Variants in CSMD1 observed in about 807,000 individuals in gnomAD.
The protein encoded by CSMD1 is CUB and Sushi multiple domains 1.
A neutral mutation model predicts 417.5 loss-of-function variants in CSMD1; 213 were observed. That is an observed-to-expected ratio of 0.51 (90% CI 0.46 to 0.57). The LOEUF (loss-of-function observed/expected upper bound fraction) is 0.57, where lower values mean the gene tolerates loss of function less well. CSMD1 is among the 20% of genes least tolerant of loss of function. The probability of loss-of-function intolerance (pLI) is 0.00; values close to 1 mark genes in which losing one functional copy is unlikely to be tolerated. For missense variants in CSMD1, 6,923 were observed against 4,529.7 expected, an observed-to-expected ratio of 1.53 and a Z score of -15.17; for synonymous variants, 2,862 against 1,736.8, an observed-to-expected ratio of 1.65 and a Z score of -16.11.
At chr8:3,879,087 C>T (rs1267273929) in intron 5 of CSMD1, among the ~76,000 whole-genome samples, 1 of 151,844 alleles carries the variant, frequency 6.6e-6, no homozygotes, top group Non-Finnish European at 1.5e-5. Flanking sequence ...TCTGGGGTAC[C>T]CAAGCATGTA....
chr8:3,217,406 C>A (rs569363902), intron 29 of CSMD1, among the ~76,000 whole-genome samples: 1 of 152,190 alleles, frequency 6.6e-6, no homozygotes, highest in Non-Finnish European at 1.5e-5. Flanking sequence ...TTCATTCATT[C>A]GTTGGCCCAT....
chr8:3,179,099 C>T (rs1433107566), intron 37 of CSMD1, among the ~76,000 whole-genome samples: 1 of 151,644 alleles, frequency 6.6e-6, no homozygotes. Flanking sequence ...AGGCCCGCCA[C>T]CACGCCTGGC....
At chr8:3,811,709 A>T (rs1257286042) in intron 5 of CSMD1, among the ~76,000 whole-genome samples, 1 of 152,084 alleles carries the variant, frequency 6.6e-6, no homozygotes, top group African/African-American at 2.4e-5. Flanking sequence ...TTTGTAGGAA[A>T]ATTGTGAAAG....
chr8:3,584,988 T>A (rs948541920), intron 9 of CSMD1, among the ~76,000 whole-genome samples: 3 of 152,150 alleles, frequency 2.0e-5, no homozygotes, highest in African/African-American at 7.2e-5. Flanking sequence ...CATGTGCATT[T>A]CCTGGACCAG....
intron 12 of CSMD1, among the ~76,000 whole-genome samples, chr8:3,410,536 C>G (rs919136902): frequency 5.9e-5 from 9 of 152,142 alleles, no homozygotes; most frequent in Admixed American, 2.6e-4. Flanking sequence ...CCTGCACAAG[C>G]TTTCTCTTTG....
intron 54 of CSMD1, among the ~76,000 whole-genome samples, chr8:2,993,853 T>C (rs1416504831): frequency 2.0e-5 from 3 of 151,832 alleles, no homozygotes; most frequent in Non-Finnish European, 4.4e-5. Flanking sequence ...CGTGATGTTA[T>C]CGTCAACGGT....
At chr8:4,723,047 G>C (rs1315518422) in intron 1 of CSMD1, among the ~76,000 whole-genome samples, 1 of 152,112 alleles carries the variant, frequency 6.6e-6, no homozygotes, top group Non-Finnish European at 1.5e-5. Flanking sequence ...TGGCAAAACA[G>C]TATTGATCTC....
At chr8:4,574,637 G>A (rs144511366) in intron 2 of CSMD1, among the ~76,000 whole-genome samples, 1 of 152,154 alleles carries the variant, frequency 6.6e-6, no homozygotes, top group African/African-American at 2.4e-5. Flanking sequence ...ATTAATGGGA[G>A]ACACTTAAAG....
At chr8:4,645,838 C>G (rs543073702) in intron 1 of CSMD1, among the ~76,000 whole-genome samples, 1 of 152,170 alleles carries the variant, frequency 6.6e-6, no homozygotes, top group African/African-American at 2.4e-5. Context: ...CACAGGGAGG[C>G]TTCATGGCAC....
At chr8:4,047,826 G>A (rs891404217) in intron 3 of CSMD1, among the ~76,000 whole-genome samples, 1 of 151,920 alleles carries the variant, frequency 6.6e-6, no homozygotes, top group Non-Finnish European at 1.5e-5. Flanking sequence ...CAATAAGAAA[G>A]TGGCATTGAA....
At chr8:3,556,534 A>G (rs1254251114) in intron 10 of CSMD1, among the ~76,000 whole-genome samples, 2 of 148,856 alleles carry the variant, frequency 1.3e-5, no homozygotes, top group Non-Finnish European at 3.0e-5. Context: ...ACACACACAC[A>G]CACACACACA....
intron 1 of CSMD1, among the ~76,000 whole-genome samples, chr8:4,946,094 C>G (rs1211596294): frequency 6.6e-6 from 1 of 152,118 alleles, no homozygotes; most frequent in Non-Finnish European, 1.5e-5. Context: ...CTTGCACACC[C>G]AGCTGTCTCT....
intron 1 of CSMD1, among the ~76,000 whole-genome samples, chr8:4,835,154 G>A (rs563196019): frequency 6.6e-6 from 1 of 151,970 alleles, no homozygotes; most frequent in East Asian, 1.9e-4. Flanking sequence ...GAGCAAGATG[G>A]ACCCGAGAAG....
intron 5 of CSMD1, among the ~76,000 whole-genome samples, chr8:3,916,295 A>T (rs972667120): frequency 2.0e-5 from 3 of 152,134 alleles, no homozygotes; most frequent in African/African-American, 4.8e-5. Context: ...TCTCATATAA[A>T]ATCACCTGGT....
intron 5 of CSMD1, among the ~76,000 whole-genome samples, chr8:3,893,385 T>C (rs1807132201): frequency 1.3e-5 from 1 of 77,510 alleles, no homozygotes; most frequent in Non-Finnish European, 3.1e-5. Context: ...TAGAGGGTCA[T>C]CAAAATTGTA....
At chr8:4,365,763 G>A (rs1218677716) in intron 3 of CSMD1, among the ~76,000 whole-genome samples, 4 of 152,084 alleles carry the variant, frequency 2.6e-5, no homozygotes, top group African/African-American at 9.7e-5. Context: ...TCCGGTGACC[G>A]AATTTATAGT....
chr8:3,284,203 G>C lies in CSMD1; in HGVS notation c.4094C>G (p.Thr1365Ser), dbSNP rs1423305850. 1 of 1,608,166 alleles carries C rather than the reference G, an allele frequency of 6.2e-7. No individual in the cohort carries two copies. Among genetic ancestry groups the C allele is most frequent in the South Asian group, 1.1e-5 (1 of 89,924 alleles). The change falls in exon 26 of 70, where the codon ACC (threonine) becomes AGC (serine). Residue 1365 changes from threonine (T) to serine (S), a missense_variant. Physicochemically the swap from Thr to Ser is moderately conservative, Grantham distance 58. Transcript: ENST00000635120. ...EDIHSTFNSLTLQFDSDFFIS... is the reference protein window; with the variant it reads ...EDIHSTFNSLSLQFDSDFFIS... ...GAAGAAGTCGCTGTCGAACTGCAGG[G>C]TGAGTGAGTTGAAGGTGCTGTGGAT...
intron 2 of CSMD1, among the ~76,000 whole-genome samples, chr8:4,581,757 G>T (rs1384670889): frequency 2.0e-5 from 3 of 152,158 alleles, no homozygotes; most frequent in Non-Finnish European, 4.4e-5. Flanking sequence ...AGACCAACAA[G>T]ACCATCTTGG....
intron 18 of CSMD1, among the ~76,000 whole-genome samples, chr8:3,369,757 C>T (rs997412015): frequency 6.6e-6 from 1 of 152,156 alleles, no homozygotes; most frequent in Non-Finnish European, 1.5e-5. Flanking sequence ...ACTTCAGACA[C>T]TCATTTTGGA....
Sources: allele counts gnomAD v4.1 joint callset (sites outside exome capture counted in the v4.1 genomes callset), GRCh38; gene constraint gnomAD v4.1.1; transcripts MANE v1.5; gene names NCBI Gene and HGNC (gene_info 2026-07-23, HGNC 2026-07-21).